Variants in BBOX1 observed in about 807,000 individuals in gnomAD.
BBOX1 encodes the protein gamma-butyrobetaine hydroxylase 1.
A neutral mutation model predicts 41.6 loss-of-function variants in BBOX1; 35 were observed. The observed-to-expected ratio is 0.84, with a 90% CI of 0.64 to 1.11. The LOEUF (loss-of-function observed/expected upper bound fraction) is 1.11. BBOX1 is among the 50% of genes most tolerant of loss of function. The probability of loss-of-function intolerance (pLI) is 0.00; values close to 1 mark genes in which losing one functional copy is unlikely to be tolerated. For missense variants in BBOX1, 458 were observed against 460.6 expected (o/e 0.99, Z 0.05); for synonymous variants, 163 against 154.7 (o/e 1.05, Z -0.40).
intron 4 of BBOX1, among the ~76,000 whole-genome samples, chr11:27,070,303 T>C (rs1323847383): frequency 6.6e-6 from 1 of 152,132 alleles, no homozygotes; most frequent in East Asian, 1.9e-4. Flanking sequence ...TTAAGTCCAT[T>C]GTTGCTTTGT....
intron 5 of BBOX1, among the ~76,000 whole-genome samples, chr11:27,101,223 C>T (rs1475458427): frequency 1.3e-5 from 2 of 152,152 alleles, no homozygotes; most frequent in African/African-American, 4.8e-5. Context: ...GATAATTAGA[C>T]AGCATTATAT....
At chr11:27,101,797 G>A (rs1444403715) in intron 5 of BBOX1, among the ~76,000 whole-genome samples, 1 of 152,064 alleles carries the variant, frequency 6.6e-6, no homozygotes, top group South Asian at 2.1e-4. Context: ...CCACAATCAA[G>A]CTTATTAACA....
intron 7 of BBOX1, among the ~76,000 whole-genome samples, chr11:27,124,513 T>A (rs1214597974): frequency 6.6e-6 from 1 of 152,146 alleles, no homozygotes; most frequent in Non-Finnish European, 1.5e-5. Context: ...GCTTTCCTTA[T>A]TTATTTATTA....
chr11:27,049,134 T>C (rs1319593935), intron 2 of BBOX1, among the ~76,000 whole-genome samples: 1 of 1,828 alleles, frequency 5.5e-4, no homozygotes, highest in African/African-American at 3.2e-3. Context: ...CATAAGTTAT[T>C]TGGGGGGGGG....
intron 4 of BBOX1, among the ~76,000 whole-genome samples, chr11:27,090,138 A>G (rs1858191243): frequency 6.6e-6 from 1 of 151,996 alleles, no homozygotes; most frequent in South Asian, 2.1e-4. Context: ...AACTTCACGA[A>G]CATGAAAGAG....
intron 7 of BBOX1, 51 bp downstream of exon 7, chr11:27,119,896 AG>A: frequency 8.8e-7 from 1 of 1,131,910 alleles, no homozygotes; most frequent in Non-Finnish European, 1.2e-6. Context: ...TGACAACAAA[AG>A]ATCCACTAAT....
At position 27,127,320 on chromosome 11, in the gene BBOX1, G is replaced by A. The variant is rs753905770; in HGVS notation, c.1031G>A (p.Arg344His). Residue 344 changes from arginine to histidine, a missense_variant, in exon 9 of 9, where the codon CGC becomes CAC. Coordinates refer to ENST00000263182, the MANE Select transcript of BBOX1 (RefSeq NM_003986.3). ...GATGTGATTACTTTTGATAACTGGC[G>A]CTTACTTCATGGCCGACGTAGCTAT... ...PGDVITFDNW[R>H]LLHGRRSYEA... 63 of 1,613,844 alleles carry A rather than the reference G, an allele frequency of 3.9e-5. No homozygotes were observed. The highest frequency in any genetic ancestry group is 4.7e-5 in the Non-Finnish European group (56 of 1,180,002).
chr11:27,088,337 T>TA (rs1409722603), intron 4 of BBOX1, among the ~76,000 whole-genome samples: 3 of 152,022 alleles, frequency 2.0e-5, no homozygotes, highest in Non-Finnish European at 4.4e-5. Context: ...TGACCTTAAG[T>TA]AAAACCAAAA....
chr11:27,084,469 G>A (rs563918898), intron 4 of BBOX1, among the ~76,000 whole-genome samples: 34 of 152,152 alleles, frequency 2.2e-4, no homozygotes, highest in Non-Finnish European at 4.6e-4. Context: ...AAGAGGGCAG[G>A]ATCTCCATAG....
intron 4 of BBOX1, among the ~76,000 whole-genome samples, chr11:27,062,273 G>A (rs1374024471): frequency 6.6e-6 from 1 of 152,144 alleles, no homozygotes; most frequent in Non-Finnish European, 1.5e-5. Flanking sequence ...GAAGAAGGAA[G>A]GGGCCAAACC....
chr11:27,124,448 G>A lies in BBOX1; in HGVS notation c.837-1206G>A, dbSNP rs567857737. On this transcript the variant is annotated intron_variant, in intron 7 of 8. Transcript: ENST00000263182. ...CCTCTTTTTGCCTCTGTATCTGGGT[G>A]ATGTTCATGTCTTGCTAATTATAAC... Among the ~76,000 whole-genome samples, 9 of 152,274 alleles carry A rather than the reference G, an allele frequency of 5.9e-5. 1 individual carries two copies. Among genetic ancestry groups the A allele is most frequent in the Admixed American group, 5.9e-4 (9 of 15,296 alleles).
intron 5 of BBOX1, among the ~76,000 whole-genome samples, chr11:27,099,999 T>C (rs912262706): frequency 2.0e-5 from 3 of 152,146 alleles, no homozygotes; most frequent in Non-Finnish European, 4.4e-5. Flanking sequence ...TTCACAACAC[T>C]GAAATGGCCT....
At chr11:27,048,887 TCCCTCCC>T (rs1851577244) in intron 2 of BBOX1, among the ~76,000 whole-genome samples, 1 of 115,752 alleles carries the variant, frequency 8.6e-6, no homozygotes, top group African/African-American at 3.3e-5. Context: ...CCCAATGCTA[TCCCTCCC>T]CCCTCCCCCC....
intron 4 of BBOX1, among the ~76,000 whole-genome samples, chr11:27,075,003 C>T (rs192523031): frequency 1.2e-4 from 18 of 152,162 alleles, no homozygotes; most frequent in Non-Finnish European, 1.9e-4. Context: ...GTCCGGAGGA[C>T]GTGGCTAATG....
chr11:27,118,691 C>T (rs1464034688), intron 6 of BBOX1, among the ~76,000 whole-genome samples: 1 of 151,960 alleles, frequency 6.6e-6, no homozygotes, highest in African/African-American at 2.4e-5. Flanking sequence ...TATTGTCAGG[C>T]TCCATCATCT....
intron 3 of BBOX1, among the ~76,000 whole-genome samples, 165 bp from the exon 4 acceptor site, chr11:27,057,036 A>T (rs1857000983): frequency 7.7e-6 from 1 of 130,050 alleles, no homozygotes; most frequent in Admixed American, 9.3e-5. Flanking sequence ...ACTGCACTCC[A>T]GCCTGGCAAC....
intron 4 of BBOX1, among the ~76,000 whole-genome samples, chr11:27,076,008 A>C (rs1857618793): frequency 6.6e-6 from 1 of 152,168 alleles, no homozygotes; most frequent in Non-Finnish European, 1.5e-5. Flanking sequence ...ACCAGCAGAA[A>C]GTTCTGGGAC....
chr11:27,105,940 CA>C (rs1474101973), intron 5 of BBOX1, among the ~76,000 whole-genome samples: 1 of 152,170 alleles, frequency 6.6e-6, no homozygotes, highest in Non-Finnish European at 1.5e-5. Flanking sequence ...AAATATTCAA[CA>C]TTCTTAAAGA....
chr11:27,060,087 T>G (rs1857096121), intron 4 of BBOX1, among the ~76,000 whole-genome samples: 1 of 152,188 alleles, frequency 6.6e-6, no homozygotes, highest in African/African-American at 2.4e-5. Context: ...GGTTTGCATG[T>G]TCCACCCAAA....
Sources: allele counts gnomAD v4.1 joint callset (sites outside exome capture counted in the v4.1 genomes callset), GRCh38; gene constraint gnomAD v4.1.1; transcripts MANE v1.5; gene names NCBI Gene and HGNC (gene_info 2026-07-23, HGNC 2026-07-21).